LDLRAD3: variants seen among roughly 807,000 people sequenced by gnomAD.
LDLRAD3 encodes the protein low-density lipoprotein receptor class A domain-containing protein 3.
Under a neutral mutation model 29.4 loss-of-function variants are expected in LDLRAD3, and 20 were observed. The ratio of observed to expected loss-of-function variants is 0.68; its 90% confidence interval spans 0.48 to 0.99. The LOEUF (loss-of-function observed/expected upper bound fraction) is 0.99. LDLRAD3 is among the 50% of genes least tolerant of loss of function. The pLI is 0.00. For synonymous variants in LDLRAD3, 157 were observed against 192.7 expected (o/e 0.81, Z 1.53); for missense variants, 420 against 454.3 (o/e 0.92, Z 0.69).
At chr11:36,032,937 T>C (rs537794005) in intron 1 of LDLRAD3, among the ~76,000 whole-genome samples, 16 of 151,950 alleles carry the variant, frequency 1.1e-4, no homozygotes, top group African/African-American at 3.6e-4. Context: ...TGCAGTGGCG[T>C]GATCTCGGCT....
intron 1 of LDLRAD3, among the ~76,000 whole-genome samples, chr11:35,966,748 A>G (rs1456710416): frequency 6.6e-6 from 1 of 152,206 alleles, no homozygotes; most frequent in East Asian, 1.9e-4. Context: ...GAAGCCATTT[A>G]TTTAGTAAAT....
intron 1 of LDLRAD3, among the ~76,000 whole-genome samples, chr11:35,980,463 A>G (rs537758090): frequency 6.6e-6 from 1 of 152,306 alleles, no homozygotes; most frequent in African/African-American, 2.4e-5. Context: ...ATTCTAGTTC[A>G]TTTAGCTCCC....
intron 4 of LDLRAD3, among the ~76,000 whole-genome samples, chr11:36,166,844 T>C (rs1450916682): frequency 6.6e-6 from 1 of 152,178 alleles, no homozygotes; most frequent in Non-Finnish European, 1.5e-5. Context: ...GTCTGTCAAA[T>C]TCCCAGGAGA....
chr11:36,130,701 G>C (rs1439142933), intron 4 of LDLRAD3, among the ~76,000 whole-genome samples: 1 of 152,184 alleles, frequency 6.6e-6, no homozygotes. Flanking sequence ...GTTAATGTTA[G>C]GTCCTTCTTA....
At chr11:36,022,416 T>A (rs1252080860) in intron 1 of LDLRAD3, among the ~76,000 whole-genome samples, 1 of 151,614 alleles carries the variant, frequency 6.6e-6, no homozygotes, top group Admixed American at 6.6e-5. Flanking sequence ...AAGCTTCTAC[T>A]GAATTTTAGT....
intron 3 of LDLRAD3, 47 bp downstream of exon 3, chr11:36,081,825 C>T (rs377761662): frequency 2.4e-4 from 380 of 1,607,712 alleles, no homozygotes; most frequent in Non-Finnish European, 2.6e-4. Context: ...TCTTTCCCGC[C>T]AGCCAAACTT....
chr11:35,975,805 C>G (rs1488487812), intron 1 of LDLRAD3, among the ~76,000 whole-genome samples: 2 of 150,790 alleles, frequency 1.3e-5, no homozygotes, highest in Non-Finnish European at 2.9e-5. Flanking sequence ...AGAGAGCTGC[C>G]CAGGAACAGG....
intron 4 of LDLRAD3, among the ~76,000 whole-genome samples, chr11:36,158,903 C>G (rs1047272723): frequency 6.6e-6 from 1 of 152,084 alleles, no homozygotes; most frequent in East Asian, 1.9e-4. Context: ...ACATCCATCA[C>G]CTTATATGTG....
intron 4 of LDLRAD3, among the ~76,000 whole-genome samples, chr11:36,157,930 GA>G (rs1304899767): frequency 2.6e-5 from 4 of 152,222 alleles, no homozygotes; most frequent in African/African-American, 7.2e-5. Flanking sequence ...GGACTCAGTA[GA>G]AGGTAACCTG....
chr11:36,038,100 C>T (rs1235162496), intron 2 of LDLRAD3, among the ~76,000 whole-genome samples: 1 of 152,070 alleles, frequency 6.6e-6, no homozygotes, highest in Non-Finnish European at 1.5e-5. Context: ...AGTTTCACCA[C>T]GTTGCCCAGG....
intron 3 of LDLRAD3, 114 bp from the exon 4 acceptor site, chr11:36,098,213 G>A: frequency 7.8e-7 from 1 of 1,276,328 alleles, no homozygotes; most frequent in Admixed American, 2.0e-5. Flanking sequence ...TGCCAGCTTA[G>A]AAGATAAGCT....
At chr11:36,031,196 G>C (rs1438792445) in intron 1 of LDLRAD3, among the ~76,000 whole-genome samples, 1 of 152,098 alleles carries the variant, frequency 6.6e-6, no homozygotes, top group Non-Finnish European at 1.5e-5. Context: ...GAGAAGGGAG[G>C]AGGAGAAACC....
intron 4 of LDLRAD3, among the ~76,000 whole-genome samples, chr11:36,175,067 C>T (rs919166511): frequency 3.9e-5 from 6 of 152,232 alleles, no homozygotes; most frequent in African/African-American, 1.4e-4. Flanking sequence ...TGGAGAAATA[C>T]GAACATTTTT....
chr11:36,141,036 C>CTCT (rs1491124137), intron 4 of LDLRAD3, among the ~76,000 whole-genome samples: 37 of 138,618 alleles, frequency 2.7e-4, no homozygotes, highest in South Asian at 1.4e-3. Context: ...CTCTCTCTCT[C>CTCT]CGTGTGGGGG....
rs1239128954 is a variant in LDLRAD3, at chr11:36,020,476, G to T, written c.47-15627G>T. On this transcript the variant is annotated intron_variant, in intron 1 of 5. Coordinates refer to ENST00000315571, the MANE Select transcript of LDLRAD3 (RefSeq NM_174902.4). ...AAATGTTTATAGTATTTTAGCACAG[G>T]GAAGCAACTGTCCATTTTTCCCTCC... 2.0e-5 allele frequency among the ~76,000 whole-genome samples: 3 copies of T among 152,102 alleles called. No homozygotes were observed. In the East Asian group the frequency reaches 5.8e-4, roughly 29 times the overall value.
At chr11:36,113,258 G>C (rs1853630420) in intron 4 of LDLRAD3, among the ~76,000 whole-genome samples, 3 of 152,104 alleles carry the variant, frequency 2.0e-5, no homozygotes. Context: ...TGAGATGCAG[G>C]TTATGGCTTA....
chr11:36,144,664 TCTGAGAAGTGAGGAGCCCCTCCG>T, intron 4 of LDLRAD3, among the ~76,000 whole-genome samples: 1 of 71,402 alleles, frequency 1.4e-5, no homozygotes, highest in Non-Finnish European at 2.8e-5. Context: ...AGCCACACCG[TCTGAGAAGTGAGGAGCCCCTCCG>T]CCCGGCAGCC....
chr11:36,187,574 A>T (rs763158312), intron 4 of LDLRAD3, among the ~76,000 whole-genome samples: 2 of 152,190 alleles, frequency 1.3e-5, no homozygotes, highest in Non-Finnish European at 2.9e-5. Flanking sequence ...GTCAAGGTGG[A>T]CATACAGCTC....
At chr11:36,192,846 T>C (rs567533899) in intron 4 of LDLRAD3, among the ~76,000 whole-genome samples, 79 of 152,220 alleles carry the variant, frequency 5.2e-4, no homozygotes, top group African/African-American at 1.5e-3. Flanking sequence ...AGGGGCCAAA[T>C]GCACATGCTC....
Sources: allele counts gnomAD v4.1 joint callset (sites outside exome capture counted in the v4.1 genomes callset), GRCh38; gene constraint gnomAD v4.1.1; transcripts MANE v1.5; gene names NCBI Gene and HGNC (gene_info 2026-07-23, HGNC 2026-07-21).